The following NEDD4L variants were observed in gnomAD, a reference collection of about 807,000 sequenced individuals.
The protein encoded by NEDD4L is NEDD4 like E3 ubiquitin protein ligase.
NEDD4L carries 54 observed loss-of-function variants against 148.9 expected under a neutral mutation model. That is an observed-to-expected ratio of 0.36 (90% CI 0.29 to 0.45). The LOEUF (loss-of-function observed/expected upper bound fraction) is 0.45. Ranked by LOEUF, NEDD4L falls within the 20% of genes least tolerant of loss-of-function variation. The pLI is 1.00. For synonymous variants in NEDD4L, 433 were observed against 440.7 expected, an observed-to-expected ratio of 0.98 and a Z score of 0.22; for missense variants, 856 against 1,233.8, an observed-to-expected ratio of 0.69 and a Z score of 4.59.
At chr18:58,377,030 G>C (rs149296067) in intron 24 of NEDD4L, among the ~76,000 whole-genome samples, 42 of 152,204 alleles carry the variant, frequency 2.8e-4, no homozygotes, top group Middle Eastern at 3.2e-3. Flanking sequence ...TACCACAGAC[G>C]ACTTTGCATT....
chr18:58,153,898 T>C (rs1393012939), intron 1 of NEDD4L, among the ~76,000 whole-genome samples: 1 of 152,164 alleles, frequency 6.6e-6, no homozygotes, highest in African/African-American at 2.4e-5. Context: ...TCTGCCCTAC[T>C]TGGCCTCCAA....
chr18:58,309,516 G>A (rs1206098635), intron 5 of NEDD4L, among the ~76,000 whole-genome samples: 1 of 152,088 alleles, frequency 6.6e-6, no homozygotes, highest in East Asian at 1.9e-4. Flanking sequence ...TCCAGGTGAG[G>A]ATGTGCGGGG....
chr18:58,372,231 GC>G (rs1027092261), intron 23 of NEDD4L: 1 of 151,652 alleles, frequency 6.6e-6, no homozygotes, highest in Non-Finnish European at 1.5e-5. Context: ...TCCTGTCTCA[GC>G]CTCCCAAGTA....
At chr18:58,097,250 C>A (rs2084472833) in intron 1 of NEDD4L, among the ~76,000 whole-genome samples, 1 of 152,154 alleles carries the variant, frequency 6.6e-6, no homozygotes, top group Admixed American at 6.5e-5. Flanking sequence ...AGCTCCATGC[C>A]AAGTGCTGTT....
At chr18:58,200,748 A>C (rs181280951) in intron 2 of NEDD4L, among the ~76,000 whole-genome samples, 45 of 152,318 alleles carry the variant, frequency 3.0e-4, no homozygotes, top group African/African-American at 9.6e-4. Context: ...GCTGGAATCA[A>C]TTCGAGTCAC....
intron 19 of NEDD4L, among the ~76,000 whole-genome samples, chr18:58,361,279 T>G (rs2045437980): frequency 6.6e-6 from 1 of 152,192 alleles, no homozygotes; most frequent in South Asian, 2.1e-4. Flanking sequence ...TTCTACATAT[T>G]TTTAGGGAGA....
At chr18:58,318,794 A>T (rs1436051426) in intron 6 of NEDD4L, among the ~76,000 whole-genome samples, 1 of 152,218 alleles carries the variant, frequency 6.6e-6, no homozygotes, top group Non-Finnish European at 1.5e-5. Context: ...TTGACTTGTC[A>T]GCTCTGTCTC....
At chr18:58,116,625 G>A (rs1203180630) in intron 1 of NEDD4L, among the ~76,000 whole-genome samples, 1 of 152,206 alleles carries the variant, frequency 6.6e-6, no homozygotes, top group Non-Finnish European at 1.5e-5. Context: ...GTTCACCAGA[G>A]AAATAACAAA....
intron 5 of NEDD4L, among the ~76,000 whole-genome samples, chr18:58,298,649 T>C: frequency 6.6e-6 from 1 of 152,122 alleles, no homozygotes; most frequent in Non-Finnish European, 1.5e-5. Context: ...GAGGGCTGGG[T>C]GAGTTGATGG....
At position 58,369,389 on chromosome 18, in the gene NEDD4L, T is replaced by C. The variant is rs557645731; in HGVS notation, c.2186-1008T>C. On this transcript the variant is annotated intron_variant, in intron 22 of 30. Coordinates refer to ENST00000400345, the MANE Select transcript of NEDD4L (RefSeq NM_001144967.3). ...GCACATTTAAGAGTCCAAGTGCACA[T>C]AGATGGGCCTAGTCAGCAGTGTCTT... is the stretch of plus-strand genomic sequence containing the variant. Among the ~76,000 whole-genome samples the C allele has an allele frequency of 6.6e-5, 10 of 152,228 alleles. No homozygotes were observed. The South Asian group carries it at 1.3e-3, about 19-fold the overall frequency.
At chr18:58,341,853 T>C (rs1370867071) in intron 15 of NEDD4L, 56 bp downstream of exon 15, 3 of 1,573,834 alleles carry the variant, frequency 1.9e-6, no homozygotes, top group Non-Finnish European at 2.6e-6. Flanking sequence ...TCCCATTCTT[T>C]CTTCTCTCTT....
At chr18:58,320,979 A>C (rs2058721079) in intron 6 of NEDD4L, among the ~76,000 whole-genome samples, 1 of 152,166 alleles carries the variant, frequency 6.6e-6, no homozygotes, top group South Asian at 2.1e-4. Flanking sequence ...AACAGTCTAG[A>C]AAATATAATT....
chr18:58,396,148 C>G lies in NEDD4L; in HGVS notation c.2826-19C>G. On this transcript the variant is annotated intron_variant, in intron 30 of 30. Coordinates refer to ENST00000400345, the MANE Select transcript of NEDD4L (RefSeq NM_001144967.3). ...GTGCTGTTGTGGCTTTTCACCTACA[C>G]TTTTTGTTCCTTTTGCAGCTTTAAT... The G allele has an allele frequency of 6.3e-7, 1 of 1,578,938 alleles. No individual in the cohort carries two copies. Among genetic ancestry groups the G allele is most frequent in the East Asian group, 2.2e-5 (1 of 44,642 alleles).
At position 58,312,799 on chromosome 18, in the gene NEDD4L, A is replaced by C. The variant is rs113046684; in HGVS notation, c.298-3183A>C. Among the ~76,000 whole-genome samples the C allele has an allele frequency of 2.5e-3, 387 of 152,012 alleles. 5 individuals carry two copies. Among genetic ancestry groups the C allele is most frequent in the African/African-American group, 8.8e-3 (363 of 41,446 alleles). On this transcript the variant is annotated intron_variant, in intron 5 of 30. Transcript: ENST00000400345. The stretch of plus-strand genomic sequence containing the variant: ...GGGTTCAAGCGATTCTCCTGCCTCA[A>C]CCTCCCAAGTAGCTGGGACTACAGG...
At position 58,364,944 on chromosome 18, in the gene NEDD4L, T is replaced by C. The variant is rs186450374; in HGVS notation, c.1833+611T>C. 2.6e-5 allele frequency among the ~76,000 whole-genome samples: 4 copies of C among 152,360 alleles called. 1 individual carries two copies. Among genetic ancestry groups the C allele is most frequent in the Admixed American group, 2.6e-4 (4 of 15,302 alleles). On this transcript the variant is annotated intron_variant, in intron 20 of 30. Coordinates refer to ENST00000400345, the MANE Select transcript of NEDD4L (RefSeq NM_001144967.3). ...CCAAATTGTTCAACATTGCATCCTC[T>C]GTTTTACTTTCCGATTCCTCCTTAG...
chr18:58,176,182 GCTTT>G (rs1277545069), intron 2 of NEDD4L, among the ~76,000 whole-genome samples: 1 of 151,972 alleles, frequency 6.6e-6, no homozygotes, highest in Admixed American at 6.6e-5. Flanking sequence ...AAACTAGACT[GCTTT>G]CTTTCTCTCT....
chr18:58,350,086 GTA>G (rs2043679816), intron 17 of NEDD4L, among the ~76,000 whole-genome samples: 2 of 152,160 alleles, frequency 1.3e-5, no homozygotes, highest in Non-Finnish European at 2.9e-5. Context: ...TGACGGCTCA[GTA>G]GGAGTTGAGC....
intron 2 of NEDD4L, among the ~76,000 whole-genome samples, chr18:58,231,307 G>A (rs986952684): frequency 1.3e-5 from 2 of 151,772 alleles, no homozygotes; most frequent in Admixed American, 6.6e-5. Context: ...ATGGAAAAGG[G>A]AGTGGTCTAA....
At chr18:58,218,335 A>G (rs920848302) in intron 2 of NEDD4L, among the ~76,000 whole-genome samples, 9 of 152,230 alleles carry the variant, frequency 5.9e-5, no homozygotes, top group Non-Finnish European at 1.3e-4. Context: ...TTAGGTGCCA[A>G]CCAACAATGG....
Sources: allele counts gnomAD v4.1 joint callset (sites outside exome capture counted in the v4.1 genomes callset), GRCh38; gene constraint gnomAD v4.1.1; transcripts MANE v1.5; gene names NCBI Gene and HGNC (gene_info 2026-07-23, HGNC 2026-07-21).